Variants in TRPM6 observed in about 807,000 individuals in gnomAD.
The protein encoded by TRPM6 is channel kinase 2.
A neutral mutation model predicts 247.6 loss-of-function variants in TRPM6; 111 were observed. The ratio of observed to expected loss-of-function variants is 0.45; its 90% CI spans 0.38 to 0.52. TRPM6 has a LOEUF of 0.52. Among genes scored for constraint, TRPM6 ranks in the 20% least tolerant of loss-of-function variants. TRPM6 has a pLI of 0.00. For missense variants in TRPM6, 2,126 were observed against 2,421.5 expected, an observed-to-expected ratio of 0.88 and a Z score of 2.56; for synonymous variants, 892 against 853.8, an observed-to-expected ratio of 1.04 and a Z score of -0.78.
At chr9:74,832,180 A>G (rs546889188) in intron 6 of TRPM6, among the ~76,000 whole-genome samples, 4 of 152,308 alleles carry the variant, frequency 2.6e-5, no homozygotes, top group African/African-American at 9.6e-5. Context: ...ACCACTACAA[A>G]AGATTAAATC....
chr9:74,806,932 G>A (rs1828544887), intron 14 of TRPM6, among the ~76,000 whole-genome samples: 1 of 152,168 alleles, frequency 6.6e-6, no homozygotes, highest in Non-Finnish European at 1.5e-5. Context: ...GGGCACTAAG[G>A]GAACTTCCCT....
intron 1 of TRPM6, among the ~76,000 whole-genome samples, chr9:74,868,255 G>A (rs970137049): frequency 6.6e-6 from 1 of 151,846 alleles, no homozygotes; most frequent in African/African-American, 2.4e-5. Flanking sequence ...AACACTTAGG[G>A]AGGCCGAGGC....
chr9:74,847,079 G>C (rs1007840950), intron 3 of TRPM6, among the ~76,000 whole-genome samples: 1 of 152,144 alleles, frequency 6.6e-6, no homozygotes, highest in Non-Finnish European at 1.5e-5. Flanking sequence ...ACAATTAGGT[G>C]CTGCTATTCA....
intron 1 of TRPM6, among the ~76,000 whole-genome samples, chr9:74,869,336 G>A (rs1436000877): frequency 3.3e-5 from 5 of 151,836 alleles, no homozygotes; most frequent in Non-Finnish European, 7.4e-5. Flanking sequence ...CAGGCATGGT[G>A]GCACGCACCT....
chr9:74,827,333 C>A (rs918035624), intron 7 of TRPM6, among the ~76,000 whole-genome samples: 7 of 152,058 alleles, frequency 4.6e-5, no homozygotes, highest in African/African-American at 1.7e-4. Context: ...CACAAGTCTG[C>A]ACGGTCTTAT....
intron 19 of TRPM6, among the ~76,000 whole-genome samples, chr9:74,791,866 C>T (rs2118971952): frequency 6.6e-6 from 1 of 152,298 alleles, no homozygotes; most frequent in East Asian, 1.9e-4. Flanking sequence ...TCGCCATTCT[C>T]CTGCCTCAGC....
chr9:74,835,481 C>G lies in TRPM6; in HGVS notation c.545-1359G>C, dbSNP rs1362363671. Among the ~76,000 whole-genome samples the G allele has an allele frequency of 2.1e-4, 32 of 152,070 alleles. 1 individual carries two copies. The highest frequency in any genetic ancestry group is 2.1e-3 in the Admixed American group (32 of 15,266). ...AACTAATTTAATAGCTTTATATGCACAAATATTTCAAAGCTAATACATTGA... is the reference window on the plus strand; with the variant it reads ...AACTAATTTAATAGCTTTATATGCAGAAATATTTCAAAGCTAATACATTGA... On this transcript the variant is annotated intron_variant, in intron 5 of 38. Coordinates refer to ENST00000360774, the MANE Select transcript of TRPM6 (RefSeq NM_017662.5).
chr9:74,788,737 C>A lies in TRPM6; in HGVS notation c.2544G>T (p.Ala848=). ...TGAACAGCATGAGGAATGCCAAATA[C>A]GCCATCTGTGAGGGGGACACACATT... ...PIVKFWFYTM[A]YLAFLMLFTY... is the part of the protein sequence containing the mutation. The change falls in exon 20 of 39, where the codon GCG becomes GCT. Residue 848 remains alanine (A), a synonymous_variant. Coordinates refer to ENST00000360774, the MANE Select transcript of TRPM6 (RefSeq NM_017662.5). 6.2e-7 allele frequency: 1 copy of A among 1,613,856 alleles called. No individual in the cohort carries two copies. The highest frequency in any genetic ancestry group is 8.5e-7 in the Non-Finnish European group (1 of 1,179,878).
intron 23 of TRPM6, 59 bp from the exon 24 acceptor site, chr9:74,776,135 A>G (rs760598218): frequency 1.1e-5 from 16 of 1,471,414 alleles, no homozygotes; most frequent in Admixed American, 1.0e-4. Context: ...AAGGTAACAG[A>G]GTCTATATTT....
At chr9:74,849,488 TAAG>T (rs765544500) in intron 3 of TRPM6, among the ~76,000 whole-genome samples, 4 of 151,004 alleles carry the variant, frequency 2.6e-5, no homozygotes, top group African/African-American at 9.7e-5. Context: ...GAAGACACAA[TAAG>T]AAGGTGGCCA....
At chr9:74,799,760 C>G (rs1446240410) in intron 17 of TRPM6, 3 of 171,392 alleles carry the variant, frequency 1.8e-5, no homozygotes, top group East Asian at 1.5e-4. Context: ...GCACCCTCAC[C>G]TTTGTGGTGG....
At chr9:74,734,629 C>T (rs1435877000) in intron 36 of TRPM6, among the ~76,000 whole-genome samples, 1 of 152,090 alleles carries the variant, frequency 6.6e-6, no homozygotes, top group Non-Finnish European at 1.5e-5. Context: ...AGTGTCTGCC[C>T]CCTAGGAAGC....
At chr9:74,745,682 C>T (rs933395591) in intron 31 of TRPM6, among the ~76,000 whole-genome samples, 9 of 152,066 alleles carry the variant, frequency 5.9e-5, no homozygotes, top group Non-Finnish European at 1.0e-4. Flanking sequence ...CAGGTCCATG[C>T]TTGTCATGTT....
intron 3 of TRPM6, among the ~76,000 whole-genome samples, chr9:74,852,227 T>C (rs1830345641): frequency 6.6e-6 from 1 of 152,062 alleles, no homozygotes; most frequent in African/African-American, 2.4e-5. Flanking sequence ...TGTTTACTTT[T>C]TCTTTTTCTT....
intron 1 of TRPM6, chr9:74,875,382 A>C (rs1169275416): frequency 5.6e-6 from 2 of 358,646 alleles, no homozygotes; most frequent in Non-Finnish European, 1.1e-5. Flanking sequence ...GTCTCTACTA[A>C]AAATACAAAA....
intron 17 of TRPM6, 159 bp downstream of exon 17, chr9:74,800,095 T>C: frequency 2.9e-6 from 2 of 695,980 alleles, no homozygotes; most frequent in Non-Finnish European, 5.1e-6. Context: ...GTCAAGGGTA[T>C]ACGAGTAGCT....
chr9:74,860,029 C>G (rs1830648045), intron 1 of TRPM6, among the ~76,000 whole-genome samples: 1 of 152,158 alleles, frequency 6.6e-6, no homozygotes, highest in South Asian at 2.1e-4. Context: ...GTCCAACATG[C>G]ACCAATCCTA....
intron 36 of TRPM6, among the ~76,000 whole-genome samples, chr9:74,736,858 A>G (rs113309043): frequency 3.9e-5 from 6 of 152,336 alleles, no homozygotes; most frequent in African/African-American, 1.2e-4. Context: ...AGACATAAAA[A>G]TCCCCAAACA....
Position 74,732,715 on chromosome 9 carries a change from T to G in TRPM6, c.5798A>C (p.Asp1933Ala). 1 of 1,609,568 alleles carries G rather than the reference T, an allele frequency of 6.2e-7. No homozygotes were observed. Among genetic ancestry groups the G allele is most frequent in the Non-Finnish European group, 8.5e-7 (1 of 1,177,770 alleles). The change falls in exon 37 of 39, where the codon GAT becomes GCT. Residue 1933 changes from aspartate to alanine, a missense_variant. Asp to Ala is a moderately radical substitution (Grantham distance 126). Transcript: ENST00000360774. ...GACTTCAGGTTTTATAACAGATGGA[T>G]CTGTCAAATTTTCTCCAACACCTCA... ...DLQGVGENLT[D>A]PSVIKPEVKQ... is the part of the protein sequence containing the mutation.
Sources: gnomAD v4.1 joint callset for allele counts (sites outside exome capture counted in the v4.1 genomes callset) on GRCh38, gnomAD v4.1.1 for gene constraint, MANE v1.5 for transcripts, NCBI Gene and HGNC (gene_info 2026-07-23, HGNC 2026-07-21) for gene names.